KCNJ6: variants seen among roughly 807,000 people sequenced by gnomAD.
KCNJ6 encodes the protein potassium inwardly rectifying channel subfamily J member 6.
A neutral mutation model predicts 34.2 loss-of-function variants in KCNJ6; 9 were observed. That is an observed-to-expected ratio of 0.26 (90% CI 0.16 to 0.46). The LOEUF (loss-of-function observed/expected upper bound fraction) is 0.46. KCNJ6 is among the 20% of genes least tolerant of loss of function. The pLI is 1.00. For missense variants in KCNJ6, 236 were observed against 531.3 expected, an observed-to-expected ratio of 0.44 and a Z score of 5.46; for synonymous variants, 196 against 207.1, an observed-to-expected ratio of 0.95 and a Z score of 0.46.
intron 2 of KCNJ6, among the ~76,000 whole-genome samples, chr21:37,786,625 T>C (rs2055193960): frequency 1.3e-5 from 2 of 152,212 alleles, no homozygotes; most frequent in Non-Finnish European, 1.5e-5. Flanking sequence ...TTTTCTGCTC[T>C]CATCTCTGCC....
chr21:37,740,284 AACATCAAC>A (rs1278141019), intron 2 of KCNJ6, among the ~76,000 whole-genome samples: 2 of 152,202 alleles, frequency 1.3e-5, no homozygotes, highest in African/African-American at 4.8e-5. Flanking sequence ...CTCTGGCATT[AACATCAAC>A]ACAGACCCGA....
At chr21:37,759,734 C>T (rs111306866) in intron 2 of KCNJ6, among the ~76,000 whole-genome samples, 16 of 152,294 alleles carry the variant, frequency 1.1e-4, no homozygotes, top group Middle Eastern at 3.4e-3. Context: ...AACCACACTG[C>T]GATGGTTTTA....
chr21:37,668,437 G>A (rs2054526769), intron 3 of KCNJ6, among the ~76,000 whole-genome samples: 1 of 137,228 alleles, frequency 7.3e-6, no homozygotes, highest in African/African-American at 3.0e-5. Flanking sequence ...GTGTGTCTGT[G>A]TCTGTGTCCT....
intron 3 of KCNJ6, among the ~76,000 whole-genome samples, chr21:37,656,765 A>C (rs1353683267): frequency 6.6e-6 from 1 of 152,192 alleles, no homozygotes; most frequent in Non-Finnish European, 1.5e-5. Context: ...AGAAATTCAC[A>C]TTCTACGTGG....
Position 37,608,991 on chromosome 21 carries a change from A to G in KCNJ6, c.*16168T>C, listed in dbSNP as rs1388519593. 1 of 152,228 alleles carries G rather than the reference A, an allele frequency of 6.6e-6. No homozygotes were observed. Among genetic ancestry groups the G allele is most frequent in the Non-Finnish European group, 1.5e-5 (1 of 68,038 alleles). 9.4% of individuals were successfully genotyped at this position (152,228 alleles called of 1,614,324 possible). On this transcript the variant is annotated 3_prime_UTR_variant, in exon 4 of 4. Transcript: ENST00000609713. ...TGGGATCCCTGAGTATAAAAATACA[A>G]GTGTGTGCCTGCTCCCAGCATTGAC...
At chr21:37,821,750 T>C (rs1217357765) in intron 2 of KCNJ6, among the ~76,000 whole-genome samples, 1 of 152,258 alleles carries the variant, frequency 6.6e-6, no homozygotes, top group Admixed American at 6.5e-5. Context: ...GACTTTAGTC[T>C]ACTGGGTCTG....
intron 3 of KCNJ6, among the ~76,000 whole-genome samples, chr21:37,653,348 G>A (rs2054442517): frequency 1.3e-5 from 2 of 152,196 alleles, no homozygotes; most frequent in Middle Eastern, 3.2e-3. Context: ...GGAGACTGTG[G>A]TTGAAGTTGA....
At chr21:37,702,319 C>T (rs896173940) in intron 3 of KCNJ6, among the ~76,000 whole-genome samples, 11 of 149,492 alleles carry the variant, frequency 7.4e-5, no homozygotes, top group African/African-American at 2.0e-4. Flanking sequence ...ACCAGTTGAA[C>T]GTCACGGCCT....
chr21:37,704,577 C>T (rs1416316498), intron 3 of KCNJ6, among the ~76,000 whole-genome samples: 1 of 152,046 alleles, frequency 6.6e-6, no homozygotes, highest in Non-Finnish European at 1.5e-5. Flanking sequence ...ATAAAACATG[C>T]TTGAGGAAAT....
intron 3 of KCNJ6, among the ~76,000 whole-genome samples, chr21:37,626,887 AT>A (rs1193776548): frequency 6.6e-6 from 1 of 152,184 alleles, no homozygotes; most frequent in Non-Finnish European, 1.5e-5. Context: ...AACTTAAAAC[AT>A]TTTTTTAATG....
chr21:37,655,222 TGTGAGAGAGAGAGAGAGAGA>T (rs1569438959), intron 3 of KCNJ6, among the ~76,000 whole-genome samples: 11 of 8,244 alleles, frequency 1.3e-3, no homozygotes, highest in East Asian at 8.5e-3. Flanking sequence ...TGTGTGTGTG[TGTGAGAGAGAGAGAGAGAGA>T]GAGAGAGAGA....
chr21:37,913,723 TAGG>T (rs771056455), intron 1 of KCNJ6, among the ~76,000 whole-genome samples: 2 of 151,948 alleles, frequency 1.3e-5, no homozygotes, highest in Non-Finnish European at 2.9e-5. Flanking sequence ...GAGGCTGAGG[TAGG>T]AGAATCGCTT....
intron 3 of KCNJ6, among the ~76,000 whole-genome samples, chr21:37,678,640 A>G (rs1190580449): frequency 1.3e-5 from 2 of 152,140 alleles, no homozygotes; most frequent in African/African-American, 4.8e-5. Context: ...GGGTGGGTGG[A>G]TGGATGGATG....
intron 3 of KCNJ6, among the ~76,000 whole-genome samples, chr21:37,642,460 C>T (rs1429768750): frequency 6.6e-6 from 1 of 152,096 alleles, no homozygotes; most frequent in East Asian, 1.9e-4. Flanking sequence ...AAAACTGCCG[C>T]AAACTGAACA....
At chr21:37,699,053 T>C (rs2054677121) in intron 3 of KCNJ6, among the ~76,000 whole-genome samples, 1 of 152,154 alleles carries the variant, frequency 6.6e-6, no homozygotes, top group Non-Finnish European at 1.5e-5. Flanking sequence ...AATAATACTT[T>C]ATGACATGTG....
rs531979191 is a variant in KCNJ6, at chr21:37,826,419, G to A, written c.25+14239C>T. On this transcript the variant is annotated intron_variant, in intron 2 of 3. Coordinates refer to ENST00000609713, the MANE Select transcript of KCNJ6 (RefSeq NM_002240.5). ...TTAAAAAAGTGAAAAAGTGGAGTCTGCAGGTGTGCCTCTCTCACTTGGAAT... is the reference window on the plus strand; with the variant it reads ...TTAAAAAAGTGAAAAAGTGGAGTCTACAGGTGTGCCTCTCTCACTTGGAAT... 1.5e-3 allele frequency among the ~76,000 whole-genome samples: 221 copies of A among 152,246 alleles called. 3 individuals are homozygous for A. The highest frequency in any genetic ancestry group is 1.7e-3 in the Non-Finnish European group (118 of 68,016).
At chr21:37,707,731 G>GTGTGTGTGTGTGTGTATA (rs1556022152) in intron 3 of KCNJ6, among the ~76,000 whole-genome samples, 5 of 150,938 alleles carry the variant, frequency 3.3e-5, no homozygotes, top group Admixed American at 1.3e-4. Context: ...GCATGTGTGT[G>GTGTGTGTGTGTGTGTATA]TGTGAATAAT....
At chr21:37,661,488 A>C (rs2054487751) in intron 3 of KCNJ6, among the ~76,000 whole-genome samples, 1 of 152,146 alleles carries the variant, frequency 6.6e-6, no homozygotes, top group African/African-American at 2.4e-5. Context: ...AAGTGCATAT[A>C]TCTAAACTAA....
At chr21:37,883,510 T>C (rs2055720322) in intron 1 of KCNJ6, among the ~76,000 whole-genome samples, 1 of 152,184 alleles carries the variant, frequency 6.6e-6, no homozygotes, top group Admixed American at 6.5e-5. Context: ...ATGGTCTTGC[T>C]TGACCAAGCA....
Sources: allele counts gnomAD v4.1 joint callset (sites outside exome capture counted in the v4.1 genomes callset), GRCh38; gene constraint gnomAD v4.1.1; transcripts MANE v1.5; gene names NCBI Gene and HGNC (gene_info 2026-07-23, HGNC 2026-07-21).